The following MLPH variants were observed in gnomAD, a reference collection of about 807,000 sequenced individuals.
MLPH encodes exophilin-3.
Under a neutral mutation model 72.1 loss-of-function variants are expected in MLPH, and 51 were observed. The observed-to-expected ratio is 0.71, with a 90% CI of 0.56 to 0.89. The LOEUF (loss-of-function observed/expected upper bound fraction) is 0.89. Among genes scored for constraint, MLPH ranks in the 40% least tolerant of loss-of-function variants. The pLI is 0.00. For synonymous variants in MLPH, 301 were observed against 310.1 expected (o/e 0.97, Z 0.31); for missense variants, 743 against 759.9 (o/e 0.98, Z 0.26).
chr2:237,546,614 C>T lies in MLPH; in HGVS notation c.1548C>T (p.Leu516=). The change falls in exon 13 of 16, where the codon CTC becomes CTT. Residue 516 remains leucine, a synonymous_variant. Transcript: ENST00000264605. ...TCTTCTTTGCCCTCCAGATATTTCT[C>T]CCTCGAGTGGCTGGGAAACTTGGCA... ...PRRKSNLPIF[L]PRVAGKLGKR... 6.2e-7 allele frequency: 1 copy of T among 1,614,096 alleles called. No individual in the cohort carries two copies. Among genetic ancestry groups the T allele is most frequent in the Non-Finnish European group, 8.5e-7 (1 of 1,179,958 alleles).
intron 6 of MLPH, among the ~76,000 whole-genome samples, chr2:237,524,557 C>G (rs1463756538): frequency 1.3e-5 from 2 of 152,024 alleles, no homozygotes; most frequent in Non-Finnish European, 2.9e-5. Context: ...TTAGATGGTG[C>G]CCACTTGATT....
At chr2:237,548,369 A>C (rs2080962405) in intron 13 of MLPH, among the ~76,000 whole-genome samples, 2 of 152,206 alleles carry the variant, frequency 1.3e-5, no homozygotes. Flanking sequence ...CTGTCTCTTC[A>C]CTTCCCTGAA....
chr2:237,514,264 T>A (rs572732927), intron 4 of MLPH, among the ~76,000 whole-genome samples: 154 of 152,216 alleles, frequency 1.0e-3, no homozygotes, highest in African/African-American at 3.7e-3. Context: ...TCTTTTTTTA[T>A]TTTTAATGTT....
intron 4 of MLPH, chr2:237,518,153 T>C (rs533253226): frequency 2.8e-6 from 1 of 353,050 alleles, no homozygotes; most frequent in East Asian, 7.2e-5. Context: ...GGTGGGTAGG[T>C]GAATACATGG....
chr2:237,540,677 G>A (rs527365361), intron 10 of MLPH, 125 bp from the exon 11 acceptor site: 9 of 1,507,962 alleles, frequency 6.0e-6, no homozygotes, highest in Non-Finnish European at 7.2e-6. Context: ...GCAGCGGGTG[G>A]CCGGCTCCTG....
At chr2:237,509,051 C>A (rs952937561) in intron 2 of MLPH, among the ~76,000 whole-genome samples, 1 of 152,190 alleles carries the variant, frequency 6.6e-6, no homozygotes, top group Non-Finnish European at 1.5e-5. Flanking sequence ...CCCATTCACT[C>A]CTCAGGATCG....
At chr2:237,487,856 G>A (rs1176934655) in intron 1 of MLPH, among the ~76,000 whole-genome samples, 1 of 152,196 alleles carries the variant, frequency 6.6e-6, no homozygotes, top group Non-Finnish European at 1.5e-5. Flanking sequence ...TGAGGAAGAG[G>A]CCAGATGATC....
chr2:237,540,990 C>A, intron 11 of MLPH, 33 bp downstream of exon 11: 1 of 1,581,098 alleles, frequency 6.3e-7, no homozygotes, highest in South Asian at 1.1e-5. Flanking sequence ...GCACTGAGTT[C>A]CACAAACACA....
At chr2:237,553,545 A>G (rs760063840) in intron 15 of MLPH, 21 bp from the exon 16 acceptor site, 2 of 1,613,086 alleles carry the variant, frequency 1.2e-6, no homozygotes, top group East Asian at 2.2e-5. Flanking sequence ...TTATATGTGC[A>G]TGTGTGTTTG....
intron 4 of MLPH, among the ~76,000 whole-genome samples, chr2:237,513,025 C>G (rs532015492): frequency 6.6e-6 from 1 of 152,002 alleles, no homozygotes; most frequent in African/African-American, 2.4e-5. Flanking sequence ...CTGCATTCCT[C>G]CCTGCTGGAC....
chr2:237,547,919 G>T (rs2080953013), intron 13 of MLPH, among the ~76,000 whole-genome samples: 1 of 152,118 alleles, frequency 6.6e-6, no homozygotes, highest in Non-Finnish European at 1.5e-5. Flanking sequence ...GGAGGAATGG[G>T]CTTTAGCTTC....
chr2:237,535,920 A>C (rs2080521441), intron 9 of MLPH, among the ~76,000 whole-genome samples: 1 of 152,134 alleles, frequency 6.6e-6, no homozygotes, highest in African/African-American at 2.4e-5. Context: ...CTCTGGCACC[A>C]CTCGGTCTTT....
intron 11 of MLPH, 63 bp from the exon 12 acceptor site, chr2:237,542,504 T>G: frequency 7.4e-7 from 1 of 1,349,060 alleles, no homozygotes; most frequent in Non-Finnish European, 1.0e-6. Context: ...TTTCTGTCCA[T>G]GACTTTGAGG....
In MLPH at chr2:237,541,721, A is replaced by T. The variant is rs1026689089; in HGVS notation, c.1446+764A>T. 2.0e-5 allele frequency among the ~76,000 whole-genome samples: 3 copies of T among 152,362 alleles called. No homozygotes were observed. The East Asian group carries it at 5.8e-4, about 29-fold the overall frequency. Reference sequence around the variant, plus strand: ...TGTAGGCCACGGAAGATCTGGTGCAAATACCTTAGACGAAGCCCCAGCCTT... The same window carrying T: ...TGTAGGCCACGGAAGATCTGGTGCATATACCTTAGACGAAGCCCCAGCCTT... On this transcript the variant is annotated intron_variant, in intron 11 of 15. Transcript: ENST00000264605. This position sits in a 1 kb window ranked among gnomAD's most constrained non-coding sequence, Gnocchi z 5.1.
At chr2:237,491,604 G>A (rs1559329912) in intron 1 of MLPH, among the ~76,000 whole-genome samples, 1 of 152,214 alleles carries the variant, frequency 6.6e-6, no homozygotes, top group Non-Finnish European at 1.5e-5. Flanking sequence ...AACGTTAAAG[G>A]GATGGGGACA....
chr2:237,500,061 A>T (rs1006909744), intron 2 of MLPH, among the ~76,000 whole-genome samples: 4 of 152,110 alleles, frequency 2.6e-5, no homozygotes, highest in African/African-American at 4.8e-5. Flanking sequence ...TTACTTTTTT[A>T]AAAAAATACG....
At chr2:237,492,806 C>A (rs756454483) in intron 1 of MLPH, among the ~76,000 whole-genome samples, 1 of 152,190 alleles carries the variant, frequency 6.6e-6, no homozygotes, top group South Asian at 2.1e-4. Context: ...CAGCCCCCCA[C>A]GCCCAGAGGA....
rs1397279565 is a variant in MLPH, at chr2:237,519,950, G to A, written c.596G>A (p.Gly199Glu). 5 of 1,613,930 alleles carry A rather than the reference G, an allele frequency of 3.1e-6. No homozygotes were observed. The highest frequency in any genetic ancestry group is 8.5e-7 in the Non-Finnish European group (1 of 1,180,032). ...LLSVHDFDFE[G>E]DSDDSTQPQG... ...TCCGTCCACGACTTCGACTTCGAGG[G>A]AGACTCAGATGACTCCACTCAGCCT... Residue 199 changes from glycine (G) to glutamate (E), a missense_variant, in exon 6 of 16, where the codon GGA becomes GAA. Coordinates refer to ENST00000264605, the MANE Select transcript of MLPH (RefSeq NM_024101.7).
In MLPH at chr2:237,493,342, T is replaced by C. The variant is rs2079466544; in HGVS notation, c.-24-61T>C. The C allele has an allele frequency of 2.2e-5, 23 of 1,051,628 alleles. No individual in the cohort carries two copies. In the South Asian group the frequency reaches 2.5e-4, roughly 12 times the overall value. The allele number at this position is 1,051,628 out of a possible 1,614,324, so 65.1% of individuals were successfully genotyped here. Reference sequence around the variant, plus strand: ...GCGTTCTGTGTTGTCTCTTACTCTGTGACTTGATTGGTATTGGTAGGCTTC... The same window carrying C: ...GCGTTCTGTGTTGTCTCTTACTCTGCGACTTGATTGGTATTGGTAGGCTTC... On this transcript the variant is annotated intron_variant, in intron 1 of 15. Coordinates refer to ENST00000264605, the MANE Select transcript of MLPH (RefSeq NM_024101.7).
Sources: allele counts gnomAD v4.1 joint callset (sites outside exome capture counted in the v4.1 genomes callset), GRCh38; gene constraint gnomAD v4.1.1; non-coding constraint Gnocchi (gnomAD v3.1); transcripts MANE v1.5; gene names NCBI Gene and HGNC (gene_info 2026-07-23, HGNC 2026-07-21).